PHF21A: variants seen among roughly 807,000 people sequenced by gnomAD.
PHF21A encodes PHD finger protein 21A.
Under a neutral mutation model 82.5 loss-of-function variants are expected in PHF21A, and 11 were observed. The observed-to-expected ratio is 0.13, with a 90% CI of 0.08 to 0.22. The LOEUF (loss-of-function observed/expected upper bound fraction) is 0.22, where lower values mean the gene tolerates loss of function less well. Among genes scored for constraint, PHF21A ranks in the 10% least tolerant of loss-of-function variants. The probability of loss-of-function intolerance (pLI) is 1.00; values close to 1 mark genes in which losing one functional copy is unlikely to be tolerated. For synonymous variants in PHF21A, 297 were observed against 302.8 expected, an observed-to-expected ratio of 0.98 and a Z score of 0.20; for missense variants, 579 against 837.8, an observed-to-expected ratio of 0.69 and a Z score of 3.81.
chr11:45,962,511 G>A (rs189763825), intron 10 of PHF21A, among the ~76,000 whole-genome samples: 3 of 152,134 alleles, frequency 2.0e-5, no homozygotes, highest in African/African-American at 4.8e-5. Flanking sequence ...TCTGCTGATC[G>A]GGCTCGGTAA....
chr11:45,994,051 C>T (rs934508492), intron 6 of PHF21A, among the ~76,000 whole-genome samples: 9 of 152,172 alleles, frequency 5.9e-5, no homozygotes, highest in African/African-American at 2.2e-4. Context: ...GGGATAAATG[C>T]TGGAGCCAAC....
At chr11:46,094,090 G>A (rs1204248472) in intron 1 of PHF21A, among the ~76,000 whole-genome samples, 1 of 152,162 alleles carries the variant, frequency 6.6e-6, no homozygotes, top group Non-Finnish European at 1.5e-5. Context: ...TATAAAATAT[G>A]TTGAAATTCA....
chr11:46,038,861 G>C (rs1292046228), intron 6 of PHF21A, among the ~76,000 whole-genome samples: 2 of 152,114 alleles, frequency 1.3e-5, no homozygotes, highest in African/African-American at 2.4e-5. Flanking sequence ...ACCTCTTAAA[G>C]GCCCCATCTT....
intron 1 of PHF21A, among the ~76,000 whole-genome samples, chr11:46,096,188 G>A (rs1414765136): frequency 6.6e-6 from 1 of 151,716 alleles, no homozygotes; most frequent in Non-Finnish European, 1.5e-5. Context: ...CCCTCTCCTG[G>A]ACATTCCTCT....
chr11:46,073,318 A>AC (rs1334358612), intron 6 of PHF21A, among the ~76,000 whole-genome samples: 2 of 141,564 alleles, frequency 1.4e-5, no homozygotes, highest in East Asian at 2.1e-4. Context: ...ACAAAGCGAG[A>AC]CCCCGTCTCA....
At chr11:46,078,359 A>G (rs2096752346) in intron 5 of PHF21A, among the ~76,000 whole-genome samples, 1 of 152,142 alleles carries the variant, frequency 6.6e-6, no homozygotes. Flanking sequence ...TTATCAACCC[A>G]GATATAGATA....
chr11:46,060,600 G>T (rs2096523217), intron 6 of PHF21A, among the ~76,000 whole-genome samples: 1 of 152,190 alleles, frequency 6.6e-6, no homozygotes. Flanking sequence ...GCATATGATT[G>T]TTGGCCACAT....
intron 10 of PHF21A, among the ~76,000 whole-genome samples, chr11:45,964,508 T>C (rs910227652): frequency 5.9e-5 from 9 of 152,152 alleles, no homozygotes; most frequent in African/African-American, 2.2e-4. Flanking sequence ...CCACAGACTA[T>C]TTTCAGATAA....
chr11:46,120,305 T>C (rs1431415737), intron 1 of PHF21A: 4 of 124,262 alleles, frequency 3.2e-5, no homozygotes, highest in Non-Finnish European at 6.8e-5. Context: ...CATCCCGGGG[T>C]GGGGTGGGGG....
At chr11:46,062,535 T>A (rs1185608444) in intron 6 of PHF21A, among the ~76,000 whole-genome samples, 2 of 152,232 alleles carry the variant, frequency 1.3e-5, no homozygotes, top group Non-Finnish European at 2.9e-5. Context: ...ATGCAATATC[T>A]TCTTTTACGG....
rs35429504 is a variant in PHF21A, at chr11:45,938,285, C to T, written c.1480G>A (p.Val494Ile). ...DGDIHEDFCS[V>I]CRKSGQLLMC... is the part of the protein sequence containing the mutation. ...AGTAACTGGCCACTTTTTCTGCAAACGCTGCAAAAATCCTCATGAATATCA... is the reference window on the plus strand; with the variant it reads ...AGTAACTGGCCACTTTTTCTGCAAATGCTGCAAAAATCCTCATGAATATCA... Residue 494 changes from valine (V) to isoleucine (I), a missense_variant, in exon 16 of 19, where the codon GTT becomes ATT. By Grantham distance (29) the Val-to-Ile change is conservative. Around this residue, in one of 3 missense-constraint regions of PHF21A, gnomAD observed 410 missense variants for 642.1 expected, o/e 0.64. Coordinates refer to ENST00000676320, the MANE Select transcript of PHF21A (RefSeq NM_001352027.3). The T allele has an allele frequency of 8.1e-5, 131 of 1,610,512 alleles. No homozygotes were observed. The highest frequency in any genetic ancestry group is 4.0e-5 in the African/African-American group (3 of 74,806).
intron 6 of PHF21A, among the ~76,000 whole-genome samples, chr11:46,058,170 T>C (rs1263967111): frequency 1.3e-5 from 2 of 152,056 alleles, no homozygotes; most frequent in Admixed American, 6.6e-5. Context: ...TGCCTTACCA[T>C]GGGGGTAAGA....
chr11:45,939,771 C>CAAAAAAAAA (rs56931455), intron 15 of PHF21A, among the ~76,000 whole-genome samples: 1 of 60,384 alleles, frequency 1.7e-5, no homozygotes, highest in Admixed American at 1.9e-4. Flanking sequence ...GAACATAGCC[C>CAAAAAAAAA]AAAAAAAAAA....
intron 6 of PHF21A, among the ~76,000 whole-genome samples, chr11:45,997,507 G>C (rs1445940245): frequency 1.3e-5 from 2 of 152,136 alleles, no homozygotes; most frequent in African/African-American, 4.8e-5. Context: ...ACGTGAAACA[G>C]CTCCTGAAAA....
At chr11:46,042,820 C>T (rs1377549325) in intron 6 of PHF21A, among the ~76,000 whole-genome samples, 14 of 151,932 alleles carry the variant, frequency 9.2e-5, no homozygotes, top group Admixed American at 9.2e-4. Flanking sequence ...CAAGAAGGTG[C>T]TATCTATGAA....
Position 45,933,999 on chromosome 11 carries a change from G to C in PHF21A, c.2015C>G (p.Ala672Gly), listed in dbSNP as rs149898933. The C allele has an allele frequency of 6.3e-7, 1 of 1,592,962 alleles. No individual in the cohort carries two copies. Among genetic ancestry groups the C allele is most frequent in the Non-Finnish European group, 8.5e-7 (1 of 1,170,418 alleles). ...AGTCTCTTCCCCCTGGTTACAGTTC[G>C]CTGTGCAGCTCTGGGAGGAGGGGGA... Reference protein sequence around the residue: ...APSPSSQSCTANCNQGEETK With the variant: ...APSPSSQSCTGNCNQGEETK The change falls in exon 19 of 19, where the codon GCG (alanine) becomes GGG (glycine). Residue 672 changes from alanine (A) to glycine (G), a missense_variant. This residue lies in a region of PHF21A where 157 missense variants were observed against 149.4 expected (regional missense o/e 1.05). Coordinates refer to ENST00000676320, the MANE Select transcript of PHF21A (RefSeq NM_001352027.3).
At chr11:46,031,034 T>G (rs566155333) in intron 6 of PHF21A, among the ~76,000 whole-genome samples, 1 of 152,108 alleles carries the variant, frequency 6.6e-6, no homozygotes, top group South Asian at 2.1e-4. Flanking sequence ...CACCAGTGAG[T>G]GAACTTTTAC....
At chr11:46,032,306 T>TTATTTC (rs1213726051) in intron 6 of PHF21A, among the ~76,000 whole-genome samples, 1 of 152,152 alleles carries the variant, frequency 6.6e-6, no homozygotes, top group East Asian at 1.9e-4. Flanking sequence ...ATAAGCTCCG[T>TTATTTC]TATTTCTTTC....
At chr11:45,935,837 C>A in intron 17 of PHF21A, 98 bp from the exon 18 acceptor site, 1 of 670,300 alleles carries the variant, frequency 1.5e-6, no homozygotes, top group Non-Finnish European at 2.5e-6. Flanking sequence ...AGGTATTTTC[C>A]CCAGAGCTCC....
Sources: gnomAD v4.1 joint callset for allele counts (sites outside exome capture counted in the v4.1 genomes callset) on GRCh38, gnomAD v4.1.1 for gene constraint, gnomAD v4.1.1 regional missense constraint, MANE v1.5 for transcripts, NCBI Gene and HGNC (gene_info 2026-07-23, HGNC 2026-07-21) for gene names.